The following BTBD9 variants were observed in gnomAD, a reference collection of about 807,000 sequenced individuals.
The protein encoded by BTBD9 is BTB domain containing 9.
Under a neutral mutation model 64.3 loss-of-function variants are expected in BTBD9, and 49 were observed. The ratio of observed to expected loss-of-function variants is 0.76; its 90% CI spans 0.61 to 0.97. BTBD9 has a LOEUF of 0.97. BTBD9 is among the 50% of genes least tolerant of loss of function. BTBD9 has a pLI of 0.00. For synonymous variants in BTBD9, 260 were observed against 274.7 expected (o/e 0.95, Z 0.53); for missense variants, 598 against 762.1 (o/e 0.78, Z 2.53).
chr6:38,309,972 C>A (rs1192624974), intron 7 of BTBD9, among the ~76,000 whole-genome samples: 1 of 152,228 alleles, frequency 6.6e-6, no homozygotes, highest in East Asian at 1.9e-4. Context: ...TTGGCAGAAT[C>A]TTCCTGCCAG....
rs538840428 is a variant in BTBD9 at position 38,287,856 on chromosome 6, A to C, written c.1454+416T>G. Among the ~76,000 whole-genome samples the C allele has an allele frequency of 2.6e-5, 4 of 152,372 alleles. No homozygotes were observed. In the East Asian group the frequency reaches 7.7e-4, roughly 29 times the overall value. The stretch of plus-strand genomic sequence containing the variant: ...AGGAACAACAAAAAGCCCAGGCGCA[A>C]AGATCACTAAGATTATTCAAAACCA... On this transcript the variant is annotated intron_variant, in intron 8 of 10. Coordinates refer to ENST00000481247, the MANE Select transcript of BTBD9 (RefSeq NM_001099272.2).
intron 4 of BTBD9, among the ~76,000 whole-genome samples, chr6:38,583,602 A>G (rs1037723123): frequency 2.6e-5 from 4 of 152,242 alleles, no homozygotes; most frequent in Non-Finnish European, 5.9e-5. Context: ...AAGTTTCTTC[A>G]ACACTAAAAC....
chr6:38,456,775 T>C (rs1462298937), intron 6 of BTBD9, among the ~76,000 whole-genome samples: 1 of 152,222 alleles, frequency 6.6e-6, no homozygotes, highest in Non-Finnish European at 1.5e-5. Flanking sequence ...GTCAAATATC[T>C]GGTTTGCAAA....
chr6:38,182,452 G>A (rs115562400), intron 10 of BTBD9, among the ~76,000 whole-genome samples: 2 of 152,174 alleles, frequency 1.3e-5, no homozygotes, highest in African/African-American at 4.8e-5. Flanking sequence ...AAGTGTTCTT[G>A]TTCGCAGGCT....
At chr6:38,340,394 C>A (rs375664843) in intron 7 of BTBD9, among the ~76,000 whole-genome samples, 4 of 152,026 alleles carry the variant, frequency 2.6e-5, no homozygotes, top group African/African-American at 9.7e-5. Flanking sequence ...CCAGAAAGCA[C>A]GGAACTATCA....
chr6:38,195,874 G>C (rs191548980), intron 9 of BTBD9, among the ~76,000 whole-genome samples: 2 of 152,332 alleles, frequency 1.3e-5, no homozygotes, highest in Admixed American at 6.5e-5. Context: ...CCAGATTTTA[G>C]CTTTGGACGG....
intron 6 of BTBD9, among the ~76,000 whole-genome samples, chr6:38,349,309 G>A (rs1260318468): frequency 6.6e-6 from 1 of 152,122 alleles, no homozygotes; most frequent in Non-Finnish European, 1.5e-5. Flanking sequence ...TGGCAGAGTA[G>A]GATACCATTA....
intron 6 of BTBD9, among the ~76,000 whole-genome samples, chr6:38,567,800 G>A (rs1321056): frequency 0.67 from 102,302 of 152,048 alleles, 35,091 homozygotes; most frequent in African/African-American, 0.82. Flanking sequence ...TTTACTAACC[G>A]TGGGACTTGT....
At chr6:38,364,655 T>C (rs1043492863) in intron 6 of BTBD9, among the ~76,000 whole-genome samples, 1 of 152,342 alleles carries the variant, frequency 6.6e-6, no homozygotes, top group Non-Finnish European at 1.5e-5. Flanking sequence ...TGGAGGGACT[T>C]TATATAATAA....
chr6:38,622,720 TG>T (rs1333577537), intron 1 of BTBD9, among the ~76,000 whole-genome samples: 4 of 152,172 alleles, frequency 2.6e-5, no homozygotes, highest in Non-Finnish European at 5.9e-5. Flanking sequence ...GGCCTGCCCC[TG>T]GGGCACCTAC....
chr6:38,414,154 A>T (rs1354830046), intron 6 of BTBD9, among the ~76,000 whole-genome samples: 1 of 152,226 alleles, frequency 6.6e-6, no homozygotes, highest in South Asian at 2.1e-4. Flanking sequence ...GACTGAACTG[A>T]CAAAATTCGC....
At chr6:38,459,082 G>A (rs927138470) in intron 6 of BTBD9, among the ~76,000 whole-genome samples, 108 of 150,996 alleles carry the variant, frequency 7.2e-4, no homozygotes, top group African/African-American at 2.4e-3. Context: ...GCAATGGTGT[G>A]ATCTCGGCTC....
At chr6:38,540,485 C>T (rs1408870506) in intron 6 of BTBD9, among the ~76,000 whole-genome samples, 4 of 152,190 alleles carry the variant, frequency 2.6e-5, no homozygotes, top group Admixed American at 6.5e-5. Context: ...AATCCCAAAC[C>T]TATAAAGCAT....
At chr6:38,220,645 T>C (rs1474811352) in intron 9 of BTBD9, among the ~76,000 whole-genome samples, 1 of 152,268 alleles carries the variant, frequency 6.6e-6, no homozygotes, top group African/African-American at 2.4e-5. Flanking sequence ...TGCTGACATC[T>C]TTATAAAACT....
rs1164544369 is a variant in BTBD9, at chr6:38,169,215, T to A, written c.*5770A>T. 6.6e-6 allele frequency: 1 copy of A among 152,272 alleles called. No homozygotes were observed. The highest frequency in any genetic ancestry group is 6.5e-5 in the Admixed American group (1 of 15,278). 9.4% of individuals were successfully genotyped at this position (152,272 alleles called of 1,614,324 possible). A position where few individuals can be genotyped will look rare whatever the true frequency, so the allele number is the denominator to read the frequency against. On this transcript the variant is annotated 3_prime_UTR_variant, in exon 11 of 11. Coordinates refer to ENST00000481247, the MANE Select transcript of BTBD9 (RefSeq NM_001099272.2). Reference sequence around the variant, plus strand: ...GGCCTCCAGCAGGTCTCAGAATGACTCCTGTAGTGGCTAGGACTAGGGCAC... The same window carrying A: ...GGCCTCCAGCAGGTCTCAGAATGACACCTGTAGTGGCTAGGACTAGGGCAC...
At chr6:38,264,066 GT>G (rs1317366055) in intron 8 of BTBD9, among the ~76,000 whole-genome samples, 2 of 152,214 alleles carry the variant, frequency 1.3e-5, no homozygotes, top group Non-Finnish European at 2.9e-5. Context: ...AGGATTCTAT[GT>G]AGAAACGGAG....
At chr6:38,532,316 G>A (rs1425379225) in intron 6 of BTBD9, among the ~76,000 whole-genome samples, 1 of 152,106 alleles carries the variant, frequency 6.6e-6, no homozygotes, top group Non-Finnish European at 1.5e-5. Context: ...TCACCAACGT[G>A]GGCTAAAGTT....
rs1446828069 is a variant in BTBD9 at position 38,344,287 on chromosome 6, C to T, written c.1264+697G>A. On this transcript the variant is annotated intron_variant, in intron 7 of 10. Transcript: ENST00000481247. ...AAGACCTGGGATGGACTGTGCACAA[C>T]GCCCAGACTACCCATTACTGAAAAT... Among the ~76,000 whole-genome samples the T allele has an allele frequency of 6.6e-5, 10 of 151,964 alleles. 1 individual carries two copies. The highest frequency in any genetic ancestry group is 4.2e-4 in the South Asian group (2 of 4,808).
intron 7 of BTBD9, among the ~76,000 whole-genome samples, chr6:38,304,300 C>T (rs1762539778): frequency 6.6e-6 from 1 of 152,030 alleles, no homozygotes; most frequent in Non-Finnish European, 1.5e-5. Flanking sequence ...GTAATCCCAG[C>T]ACTTTGGGAG....
Sources: allele counts gnomAD v4.1 joint callset (sites outside exome capture counted in the v4.1 genomes callset), GRCh38; gene constraint gnomAD v4.1.1; transcripts MANE v1.5; gene names NCBI Gene and HGNC (gene_info 2026-07-23, HGNC 2026-07-21).